PLA2G5: variants seen among roughly 807,000 people sequenced by gnomAD.
PLA2G5 encodes the protein Ca2+-dependent phospholipase A2.
Under a neutral mutation model 15.9 loss-of-function variants are expected in PLA2G5, and 12 were observed. The observed-to-expected ratio is 0.76, with a 90% CI of 0.48 to 1.23. The LOEUF is 1.23. Among genes scored for constraint, PLA2G5 ranks in the 50% most tolerant of loss-of-function variants. The pLI is 0.00. For synonymous variants in PLA2G5, 71 were observed against 71.4 expected, an observed-to-expected ratio of 0.99 and a Z score of 0.03; for missense variants, 169 against 177.1, an observed-to-expected ratio of 0.95 and a Z score of 0.26.
chr1:20,057,144 T>TA (rs2014473707), intron 1 of PLA2G5, among the ~76,000 whole-genome samples: 1 of 152,150 alleles, frequency 6.6e-6, no homozygotes, highest in Non-Finnish European at 1.5e-5. Context: ...ATTTTGCTGA[T>TA]ATTTTCAAAG....
intron 1 of PLA2G5, among the ~76,000 whole-genome samples, chr1:20,078,195 T>G (rs2015793341): frequency 6.6e-6 from 1 of 152,050 alleles, no homozygotes; most frequent in South Asian, 2.1e-4. Flanking sequence ...ACCCCCAAGC[T>G]TGGGCTATGC....
chr1:20,029,414 T>G (rs1208006265), intron 1 of PLA2G5, among the ~76,000 whole-genome samples: 1 of 152,176 alleles, frequency 6.6e-6, no homozygotes, highest in Non-Finnish European at 1.5e-5. Context: ...TCCGCTGATA[T>G]GCTCCTCTCA....
At chr1:20,048,078 T>C (rs953685035) in intron 1 of PLA2G5, among the ~76,000 whole-genome samples, 4 of 152,304 alleles carry the variant, frequency 2.6e-5, no homozygotes, top group South Asian at 4.1e-4. Flanking sequence ...AACACATCTA[T>C]CTATTTATGT....
chr1:20,042,824 T>C lies in PLA2G5; in HGVS notation n.276+14115T>C, dbSNP rs192403306. On this transcript the variant is annotated intron_variant and non_coding_transcript_variant, in intron 1 of 6. Transcript: ENST00000460175. ...GTTTTTATTAAGAATTATGCTGAGATAGGTAATGGATGAGGAAGAAATTTG... is the reference window on the plus strand; with the variant it reads ...GTTTTTATTAAGAATTATGCTGAGACAGGTAATGGATGAGGAAGAAATTTG... Among the ~76,000 whole-genome samples the C allele has an allele frequency of 3.6e-3, 541 of 152,132 alleles. 4 individuals carry two copies. The highest frequency in any genetic ancestry group is 0.011 in the African/African-American group (459 of 41,494).
At chr1:20,032,318 G>A (rs1445508078) in intron 1 of PLA2G5, among the ~76,000 whole-genome samples, 1 of 151,948 alleles carries the variant, frequency 6.6e-6, no homozygotes, top group Non-Finnish European at 1.5e-5. Context: ...GATAATGCGG[G>A]TAATACAGAG....
chr1:20,084,747 G>A (rs1289099531), intron 1 of PLA2G5, 74 bp from the exon 2 acceptor site: 20 of 947,290 alleles, frequency 2.1e-5, no homozygotes, highest in Admixed American at 3.4e-5. Context: ...CTGGTGGAGA[G>A]CCAGGGTGGG....
upstream of PLA2G5, chr1:20,070,100 C>T (rs550778433): frequency 1.3e-5 from 8 of 618,750 alleles, no homozygotes; most frequent in East Asian, 4.2e-4. Context: ...CAAATCCACC[C>T]GCATTGGAAT....
upstream of PLA2G5, among the ~76,000 whole-genome samples, chr1:20,068,082 C>T (rs1245623040): frequency 6.6e-6 from 1 of 152,098 alleles, no homozygotes; most frequent in Non-Finnish European, 1.5e-5. Context: ...CGTGCCATTG[C>T]ACTCCAGCCT....
At chr1:20,054,435 T>C (rs143856249) in intron 1 of PLA2G5, among the ~76,000 whole-genome samples, 7 of 152,346 alleles carry the variant, frequency 4.6e-5, no homozygotes, top group African/African-American at 1.7e-4. Flanking sequence ...ATATTTTCTT[T>C]TAGCCTCTTC....
At chr1:20,074,110 C>T (rs530825890) in intron 1 of PLA2G5, among the ~76,000 whole-genome samples, 34 of 152,176 alleles carry the variant, frequency 2.2e-4, no homozygotes, top group East Asian at 3.9e-4. Context: ...GCATTTAAGG[C>T]GAGACCTGGA....
chr1:20,044,504 G>A (rs779783355), intron 1 of PLA2G5, among the ~76,000 whole-genome samples: 5 of 152,142 alleles, frequency 3.3e-5, no homozygotes, highest in Non-Finnish European at 7.3e-5. Context: ...AGCGTCTAAG[G>A]GTTGTTGCCA....
chr1:20,081,463 C>T lies in PLA2G5; in HGVS notation c.-10-3358C>T, dbSNP rs1031051379. Among the ~76,000 whole-genome samples the T allele has an allele frequency of 2.7e-4, 41 of 151,886 alleles. 1 individual carries two copies. Among genetic ancestry groups the T allele is most frequent in the African/African-American group, 9.5e-4 (39 of 41,160 alleles). ...GAAGGCGTGCTTCCACCCAGGGCCACGCAGGAAGTGCCAGGTCGGCAGGTC... is the reference window on the plus strand; with the variant it reads ...GAAGGCGTGCTTCCACCCAGGGCCATGCAGGAAGTGCCAGGTCGGCAGGTC... On this transcript the variant is annotated intron_variant, in intron 1 of 4. Transcript: ENST00000375108.
At chr1:20,034,699 T>C (rs1324816484) in intron 1 of PLA2G5, among the ~76,000 whole-genome samples, 1 of 152,134 alleles carries the variant, frequency 6.6e-6, no homozygotes, top group Non-Finnish European at 1.5e-5. Flanking sequence ...GACTGGGATG[T>C]GATGTTTGGC....
intron 1 of PLA2G5, among the ~76,000 whole-genome samples, chr1:20,071,254 C>G (rs983655635): frequency 1.3e-5 from 2 of 152,148 alleles, no homozygotes; most frequent in Non-Finnish European, 2.9e-5. Flanking sequence ...TATCTGGGCT[C>G]AATAAGGCAT....
intron 4 of PLA2G5, 43 bp from the exon 5 acceptor site, chr1:20,090,525 A>G (rs773798443): frequency 1.2e-6 from 2 of 1,611,704 alleles, no homozygotes; most frequent in South Asian, 1.1e-5. Flanking sequence ...AGACTGGAGC[A>G]TGCTCTTCCC....
intron 2 of PLA2G5, among the ~76,000 whole-genome samples, chr1:20,064,070 CT>C: frequency 6.6e-6 from 1 of 152,150 alleles, no homozygotes; most frequent in Non-Finnish European, 1.5e-5. Context: ...CATTATGGAC[CT>C]TTCGCTGAGT....
chr1:20,044,599 A>G lies in PLA2G5; in HGVS notation n.277-15033A>G, dbSNP rs181748050. ...TGATTTGGGAGAGGTTGGATAAAGA[A>G]AAAGGAGCATTAACCTTGACTATGC... On this transcript the variant is annotated intron_variant and non_coding_transcript_variant, in intron 1 of 6. Coordinates refer to the PLA2G5 transcript ENST00000460175. Among the ~76,000 whole-genome samples, 223 of 152,268 alleles carry G rather than the reference A, an allele frequency of 1.5e-3. 2 individuals carry two copies. The highest frequency in any genetic ancestry group is 5.2e-3 in the African/African-American group (217 of 41,566).
At chr1:20,076,535 C>T (rs1199597278) in intron 1 of PLA2G5, among the ~76,000 whole-genome samples, 1 of 152,142 alleles carries the variant, frequency 6.6e-6, no homozygotes, top group Non-Finnish European at 1.5e-5. Flanking sequence ...GATTCTGGGT[C>T]CTCCTTTTAC....
intron 1 of PLA2G5, among the ~76,000 whole-genome samples, chr1:20,046,835 G>A (rs532496758): frequency 1.3e-5 from 2 of 152,120 alleles, no homozygotes; most frequent in Non-Finnish European, 2.9e-5. Context: ...TTTCTCCTAG[G>A]AAGTTGTTGT....
Sources: gnomAD v4.1 joint callset for allele counts (sites outside exome capture counted in the v4.1 genomes callset) on GRCh38, gnomAD v4.1.1 for gene constraint, MANE v1.5 for transcripts, NCBI Gene and HGNC (gene_info 2026-07-23, HGNC 2026-07-21) for gene names.